The following MRPS5 variants were observed in gnomAD, a reference collection of about 807,000 sequenced individuals.
The protein encoded by MRPS5 is small ribosomal subunit protein uS5m.
MRPS5 carries 27 observed loss-of-function variants against 51.9 expected under a neutral mutation model. The ratio of observed to expected loss-of-function variants is 0.52; its 90% CI spans 0.38 to 0.72. MRPS5 has a LOEUF of 0.72. Among genes scored for constraint, MRPS5 ranks in the 30% least tolerant of loss-of-function variants. MRPS5 has a pLI of 0.00. For missense variants in MRPS5, 570 were observed against 545.7 expected (o/e 1.04, Z -0.44); for synonymous variants, 196 against 193.2 (o/e 1.01, Z -0.12).
chr2:95,117,614 T>C (rs1676321118), intron 2 of MRPS5, among the ~76,000 whole-genome samples: 1 of 150,946 alleles, frequency 6.6e-6, no homozygotes, highest in East Asian at 2.0e-4. Context: ...GTAATTGTTA[T>C]TTAGTTACTA....
At chr2:95,095,752 A>G (rs765795835) in intron 10 of MRPS5, among the ~76,000 whole-genome samples, 1 of 152,234 alleles carries the variant, frequency 6.6e-6, no homozygotes, top group African/African-American at 2.4e-5. Flanking sequence ...AAGAGAAAGC[A>G]GGAAAGATCT....
intron 6 of MRPS5, among the ~76,000 whole-genome samples, chr2:95,105,806 G>A (rs1675932138): frequency 6.6e-6 from 1 of 152,216 alleles, no homozygotes; most frequent in African/African-American, 2.4e-5. Context: ...AATTGATATT[G>A]AGGAAACAAT....
In MRPS5 at chr2:95,121,741, C is replaced by T; in HGVS notation, c.51G>A (p.Gly17=). ...CGGCGTCCCAGCTCTCACCTGCCGT[C>T]CCGCTACACAGCACGGGGAGGCAGC... ...AVGCLPVLCS[G]TAGHLLGRQC... The change falls in exon 1 of 12, where the codon GGG becomes GGA. Residue 17 remains glycine (G), a synonymous_variant. Coordinates refer to ENST00000272418, the MANE Select transcript of MRPS5 (RefSeq NM_031902.5). 1 of 1,549,578 alleles carries T rather than the reference C, an allele frequency of 6.5e-7. No individual in the cohort carries two copies. Among genetic ancestry groups the T allele is most frequent in the Non-Finnish European group, 8.6e-7 (1 of 1,156,378 alleles).
At chr2:95,091,524 GT>G (rs1184459944) in intron 10 of MRPS5, 1 of 152,296 alleles carries the variant, frequency 6.6e-6, no homozygotes, top group African/African-American at 2.4e-5. Flanking sequence ...GTTTACCGCG[GT>G]GTCCCCAGAG....
chr2:95,087,506 T>C lies in MRPS5; in HGVS notation c.1144A>G (p.Ile382Val), dbSNP rs373301376. The C allele has an allele frequency of 1.2e-5, 19 of 1,614,168 alleles. No homozygotes were observed. Among genetic ancestry groups the C allele is most frequent in the Admixed American group, 3.3e-5 (2 of 60,026 alleles). ...GGCCCCCGGGGGGACGCAACCACAA[T>C]GGGCAGAGGGCCACATTCCTCCCGG... ...EIREECGPLP[I>V]VVASPRGPLR... is the part of the protein sequence containing the mutation. Residue 382 changes from isoleucine to valine, a missense_variant, in exon 12 of 12, where the codon ATT becomes GTT. Physicochemically the swap from Ile to Val is conservative, Grantham distance 29. Coordinates refer to ENST00000272418, the MANE Select transcript of MRPS5 (RefSeq NM_031902.5).
At chr2:95,098,463 G>C (rs1232697693) in intron 10 of MRPS5, among the ~76,000 whole-genome samples, 1 of 152,180 alleles carries the variant, frequency 6.6e-6, no homozygotes, top group Non-Finnish European at 1.5e-5. Flanking sequence ...ATGATAGACT[G>C]GATTAAGAAA....
chr2:95,104,746 T>C lies in MRPS5; in HGVS notation c.673-16A>G. ...CGTTTCTTACCTAAAAGGCAAAATG[T>C]CTCATAAATATTGCACATTAAGAAA... is the stretch of plus-strand genomic sequence containing the variant. On this transcript the variant is annotated splice_polypyrimidine_tract_variant and intron_variant, in intron 6 of 11. Coordinates refer to ENST00000272418, the MANE Select transcript of MRPS5 (RefSeq NM_031902.5). 6.2e-7 allele frequency: 1 copy of C among 1,612,252 alleles called. No individual in the cohort carries two copies. The highest frequency in any genetic ancestry group is 8.5e-7 in the Non-Finnish European group (1 of 1,178,550).
rs376122502 is a variant in MRPS5 at position 95,115,113 on chromosome 2, C to G, written c.230G>C (p.Ser77Thr). 20 of 1,612,012 alleles carry G rather than the reference C, an allele frequency of 1.2e-5. No homozygotes were observed. Among genetic ancestry groups the G allele is most frequent in the Non-Finnish European group, 1.6e-5 (19 of 1,179,576 alleles). Reference sequence around the variant, plus strand: ...TCTATACTGCTGGCTCATCAGGTGACTGGGAGAAGAAATACAGCATTGTGT... The same window carrying G: ...TCTATACTGCTGGCTCATCAGGTGAGTGGGAGAAGAAATACAGCATTGTGT... Reference protein sequence around the residue: ...LQTQCCISSPSHLMSQQYRPY... With the variant: ...LQTQCCISSPTHLMSQQYRPY... The change falls in exon 3 of 12, where the codon AGT (serine) becomes ACT (threonine). Residue 77 changes from serine (S) to threonine (T), a missense_variant. Coordinates refer to ENST00000272418, the MANE Select transcript of MRPS5 (RefSeq NM_031902.5).
At chr2:95,116,150 C>T (rs1312371224) in intron 2 of MRPS5, among the ~76,000 whole-genome samples, 18 of 152,052 alleles carry the variant, frequency 1.2e-4, no homozygotes, top group Non-Finnish European at 1.0e-4. Context: ...GTGATCCACC[C>T]GCCTCGGCCT....
At position 95,101,731 on chromosome 2, in the gene MRPS5, C is replaced by G; in HGVS notation, c.764-8G>C. On this transcript the variant is annotated splice_region_variant and splice_polypyrimidine_tract_variant and intron_variant, in intron 7 of 11. Transcript: ENST00000272418. ...CTTTCCCAATAGAAAAACCTTTAAACAAAAAAGCAAAAATAAGAAAAGAGA... is the reference window on the plus strand; with the variant it reads ...CTTTCCCAATAGAAAAACCTTTAAAGAAAAAAGCAAAAATAAGAAAAGAGA... 6.3e-7 allele frequency: 1 copy of G among 1,588,796 alleles called. No homozygotes were observed. The highest frequency in any genetic ancestry group is 8.5e-7 in the Non-Finnish European group (1 of 1,171,868).
At chr2:95,097,857 T>C (rs897986698) in intron 10 of MRPS5, among the ~76,000 whole-genome samples, 1 of 152,176 alleles carries the variant, frequency 6.6e-6, no homozygotes, top group Non-Finnish European at 1.5e-5. Flanking sequence ...TGGGATCTAA[T>C]TAAACTAAAG....
At chr2:95,103,505 G>C (rs1675861076) in intron 7 of MRPS5, among the ~76,000 whole-genome samples, 1 of 152,196 alleles carries the variant, frequency 6.6e-6, no homozygotes, top group African/African-American at 2.4e-5. Flanking sequence ...AACCTTTTGT[G>C]GGGAGGCAAT....
chr2:95,087,634 A>T, intron 11 of MRPS5, 53 bp from the exon 12 acceptor site: 3 of 1,495,284 alleles, frequency 2.0e-6, no homozygotes, highest in East Asian at 4.5e-5. Flanking sequence ...TTTGCAACAT[A>T]AAGAGCAGGA....
At chr2:95,121,469 C>T (rs1676446608) in intron 1 of MRPS5, among the ~76,000 whole-genome samples, 1 of 152,206 alleles carries the variant, frequency 6.6e-6, no homozygotes, top group Admixed American at 6.5e-5. Context: ...TCGCCAAGCA[C>T]GCTCAAGCGG....
chr2:95,116,594 T>C (rs1468069713), intron 2 of MRPS5, among the ~76,000 whole-genome samples: 1 of 152,262 alleles, frequency 6.6e-6, no homozygotes, highest in East Asian at 1.9e-4. Flanking sequence ...AGATTATCAA[T>C]GATCAATTAC....
At position 95,087,277 on chromosome 2, in the gene MRPS5, G is replaced by A; in HGVS notation, c.*80C>T. 9.3e-7 allele frequency: 1 copy of A among 1,075,138 alleles called. No homozygotes were observed. Among genetic ancestry groups the A allele is most frequent in the Non-Finnish European group, 1.4e-6 (1 of 726,232 alleles). 66.6% of individuals were successfully genotyped at this position (1,075,138 alleles called of 1,614,324 possible). On this transcript the variant is annotated 3_prime_UTR_variant, in exon 12 of 12. Transcript: ENST00000272418. ...TCCCTCAAAACAAACAAAAGGCAAG[G>A]TAACATCCCAAGCTGTGAGGGGCTG...
intron 10 of MRPS5, among the ~76,000 whole-genome samples, chr2:95,096,073 T>C (rs1479196958): frequency 6.6e-6 from 1 of 152,108 alleles, no homozygotes; most frequent in African/African-American, 2.4e-5. Flanking sequence ...ACAAATAAAC[T>C]AGAAAATCTA....
chr2:95,114,790 G>A (rs1478020761), intron 3 of MRPS5, among the ~76,000 whole-genome samples: 1 of 152,108 alleles, frequency 6.6e-6, no homozygotes, highest in East Asian at 1.9e-4. Context: ...TTCTTGGTGT[G>A]AATCTAAGTC....
intron 1 of MRPS5, among the ~76,000 whole-genome samples, chr2:95,121,024 A>G (rs1383846096): frequency 6.6e-6 from 1 of 152,184 alleles, no homozygotes; most frequent in Non-Finnish European, 1.5e-5. Context: ...AGGCTGAGGC[A>G]GGAGAATCGC....
Sources: allele counts gnomAD v4.1 joint callset (sites outside exome capture counted in the v4.1 genomes callset), GRCh38; gene constraint gnomAD v4.1.1; transcripts MANE v1.5; gene names NCBI Gene and HGNC (gene_info 2026-07-23, HGNC 2026-07-21).